Variants in ETV6 observed in about 807,000 individuals in gnomAD.
ETV6 encodes ETS variant transcription factor 6.
Under a neutral mutation model 51.1 loss-of-function variants are expected in ETV6, and 16 were observed. That is an observed-to-expected ratio of 0.31 (90% CI 0.21 to 0.48). The LOEUF (loss-of-function observed/expected upper bound fraction) is 0.48, where lower values mean the gene tolerates loss of function less well. ETV6 is among the 20% of genes least tolerant of loss of function. The pLI, the probability that ETV6 is intolerant of heterozygous loss-of-function variation, is 0.99. For synonymous variants in ETV6, 240 were observed against 224.1 expected, an observed-to-expected ratio of 1.07 and a Z score of -0.64; for missense variants, 458 against 594.8, an observed-to-expected ratio of 0.77 and a Z score of 2.39.
At chr12:11,860,366 T>C (rs140797669) in intron 4 of ETV6, among the ~76,000 whole-genome samples, 1 of 152,234 alleles carries the variant, frequency 6.6e-6, no homozygotes, top group Non-Finnish European at 1.5e-5. Context: ...CCGGCACGTA[T>C]ATGCGTGCAC....
intron 4 of ETV6, among the ~76,000 whole-genome samples, chr12:11,860,690 T>C (rs1366008215): frequency 2.2e-5 from 3 of 139,374 alleles, no homozygotes; most frequent in Non-Finnish European, 3.1e-5. Context: ...TATTTGGTTG[T>C]TTCCCCCCCT....
chr12:11,768,573 A>G (rs1455473180), intron 2 of ETV6, among the ~76,000 whole-genome samples: 1 of 152,192 alleles, frequency 6.6e-6, no homozygotes, highest in Non-Finnish European at 1.5e-5. Context: ...AATTGACCTT[A>G]TGCTTAGAAC....
intron 2 of ETV6, among the ~76,000 whole-genome samples, chr12:11,767,666 A>G (rs545614313): frequency 7.2e-5 from 11 of 152,358 alleles, no homozygotes; most frequent in African/African-American, 2.6e-4. Flanking sequence ...CTATGACCTT[A>G]ATAAACTCTG....
intron 1 of ETV6, among the ~76,000 whole-genome samples, chr12:11,668,045 G>A (rs1377926254): frequency 1.3e-5 from 2 of 151,738 alleles, no homozygotes; most frequent in Non-Finnish European, 2.9e-5. Flanking sequence ...ATGTTGCCTG[G>A]CTGGTCTTGA....
intron 5 of ETV6, among the ~76,000 whole-genome samples, chr12:11,879,424 T>C (rs976312947): frequency 1.3e-5 from 2 of 152,228 alleles, no homozygotes; most frequent in African/African-American, 4.8e-5. Flanking sequence ...ACCATGTTGG[T>C]TATGTGTGAA....
chr12:11,819,626 C>T (rs553578659), intron 2 of ETV6, among the ~76,000 whole-genome samples: 1 of 152,286 alleles, frequency 6.6e-6, no homozygotes. Flanking sequence ...ATGGGCGGGC[C>T]CCTCTATTCA....
At chr12:11,878,175 GCAGGAATATTCC>G (rs1947022320) in intron 5 of ETV6, among the ~76,000 whole-genome samples, 1 of 152,214 alleles carries the variant, frequency 6.6e-6, no homozygotes, top group Non-Finnish European at 1.5e-5. Flanking sequence ...CATCACTCCA[GCAGGAATATTCC>G]CAGCGGCTGA....
At chr12:11,718,960 C>G (rs953729330) in intron 1 of ETV6, among the ~76,000 whole-genome samples, 4 of 152,208 alleles carry the variant, frequency 2.6e-5, no homozygotes, top group Admixed American at 2.0e-4. Context: ...AGTCTGGGTT[C>G]TCTCTCTCCT....
At chr12:11,801,769 CT>C (rs1236039790) in intron 2 of ETV6, among the ~76,000 whole-genome samples, 1 of 151,594 alleles carries the variant, frequency 6.6e-6, no homozygotes, top group African/African-American at 2.4e-5. Context: ...CCAGGAGAAC[CT>C]GCACCCGCAT....
intron 3 of ETV6, among the ~76,000 whole-genome samples, chr12:11,846,917 G>A (rs1946474760): frequency 6.6e-6 from 1 of 152,228 alleles, no homozygotes; most frequent in Admixed American, 6.5e-5. Context: ...CTGTCGCCCA[G>A]GCTGGAGTGC....
Position 11,892,733 on chromosome 12 carries a change from C to T in ETV6, c.*1687C>T, listed in dbSNP as rs115533446. The T allele has an allele frequency of 9.9e-4, 230 of 233,110 alleles. No homozygotes were observed. The highest frequency in any genetic ancestry group is 4.8e-3 in the African/African-American group (220 of 45,448). 14.4% of individuals were successfully genotyped at this position (233,110 alleles called of 1,614,324 possible). Reference sequence around the variant, plus strand: ...GCTCCCAGGTGAAGTTACCAGACCCCTGGGCTTCTCCCCAGCTTTTTCTGA... The same window carrying T: ...GCTCCCAGGTGAAGTTACCAGACCCTTGGGCTTCTCCCCAGCTTTTTCTGA... On this transcript the variant is annotated 3_prime_UTR_variant, in exon 8 of 8. Transcript: ENST00000396373.
At chr12:11,733,628 A>G (rs1380239747) in intron 1 of ETV6, among the ~76,000 whole-genome samples, 1 of 152,144 alleles carries the variant, frequency 6.6e-6, no homozygotes, top group Non-Finnish European at 1.5e-5. Context: ...GACAACTCAC[A>G]CTAGGCCATG....
chr12:11,856,502 T>G (rs1946634909), intron 4 of ETV6, among the ~76,000 whole-genome samples: 1 of 152,052 alleles, frequency 6.6e-6, no homozygotes. Flanking sequence ...AGTGTAGGTC[T>G]TTATCCGGTG....
intron 4 of ETV6, among the ~76,000 whole-genome samples, chr12:11,868,906 C>A (rs868628010): frequency 6.6e-6 from 1 of 152,052 alleles, no homozygotes; most frequent in African/African-American, 2.4e-5. Flanking sequence ...TTGTAGACAT[C>A]CTTAGGTTGT....
chr12:11,874,268 C>T (rs890509370), intron 5 of ETV6, among the ~76,000 whole-genome samples: 5 of 151,524 alleles, frequency 3.3e-5, no homozygotes, highest in East Asian at 3.9e-4. Context: ...TCCCAGCTAC[C>T]GAGGAGGCTG....
At chr12:11,733,622 A>T (rs1445960555) in intron 1 of ETV6, among the ~76,000 whole-genome samples, 1 of 152,098 alleles carries the variant, frequency 6.6e-6, no homozygotes, top group African/African-American at 2.4e-5. Flanking sequence ...CATTCTGACA[A>T]CTCACACTAG....
intron 2 of ETV6, among the ~76,000 whole-genome samples, chr12:11,754,196 C>T (rs1390938925): frequency 1.3e-5 from 2 of 152,224 alleles, no homozygotes; most frequent in African/African-American, 4.8e-5. Flanking sequence ...ATTCATCTCA[C>T]AAATAGTTAT....
intron 1 of ETV6, among the ~76,000 whole-genome samples, chr12:11,687,273 C>T (rs567677320): frequency 4.6e-5 from 7 of 150,670 alleles, no homozygotes; most frequent in Non-Finnish European, 1.5e-5. Context: ...CGCCCCCCAC[C>T]AGGTTCAAAC....
chr12:11,762,269 T>G (rs561453430), intron 2 of ETV6, among the ~76,000 whole-genome samples: 40 of 152,334 alleles, frequency 2.6e-4, no homozygotes, highest in African/African-American at 9.4e-4. Context: ...GCCTGAGAAT[T>G]GTCTGTGGCT....
Sources: allele counts gnomAD v4.1 joint callset (sites outside exome capture counted in the v4.1 genomes callset), GRCh38; gene constraint gnomAD v4.1.1; transcripts MANE v1.5; gene names NCBI Gene and HGNC (gene_info 2026-07-23, HGNC 2026-07-21).